VWC2L: variants seen among roughly 807,000 people sequenced by gnomAD.
The protein encoded by VWC2L is von Willebrand factor C domain-containing protein 2-like.
VWC2L carries 10 observed loss-of-function variants against 21.6 expected under a neutral mutation model. The observed-to-expected ratio is 0.46, with a 90% CI of 0.29 to 0.78. The LOEUF is 0.78. Ranked by LOEUF, VWC2L falls within the 30% of genes least tolerant of loss-of-function variation. The pLI is 0.10. For synonymous variants in VWC2L, 96 were observed against 94.3 expected, an observed-to-expected ratio of 1.02 and a Z score of -0.10; for missense variants, 209 against 277.1, an observed-to-expected ratio of 0.75 and a Z score of 1.74.
At chr2:214,473,473 G>C (rs942280044) in intron 3 of VWC2L, among the ~76,000 whole-genome samples, 1 of 152,248 alleles carries the variant, frequency 6.6e-6, no homozygotes, top group South Asian at 2.1e-4. Flanking sequence ...CATTGAAGTT[G>C]AGATATCCAA....
At chr2:214,530,396 A>G (rs1308568734) in intron 3 of VWC2L, among the ~76,000 whole-genome samples, 1 of 152,208 alleles carries the variant, frequency 6.6e-6, no homozygotes, top group East Asian at 1.9e-4. Flanking sequence ...ACACTTTCTA[A>G]TAATATGAAC....
At chr2:214,566,881 G>A (rs774703507) in intron 3 of VWC2L, among the ~76,000 whole-genome samples, 3 of 152,068 alleles carry the variant, frequency 2.0e-5, no homozygotes, top group Non-Finnish European at 4.4e-5. Flanking sequence ...ATTTTTCATA[G>A]CACAATAGCA....
At position 214,575,289 on chromosome 2, in the gene VWC2L, G is replaced by A. The variant is rs1418950075; in HGVS notation, c.521-383G>A. 2.6e-5 allele frequency among the ~76,000 whole-genome samples: 4 copies of A among 152,100 alleles called. No homozygotes were observed. In the East Asian group the frequency reaches 7.7e-4, roughly 29 times the overall value. On this transcript the variant is annotated intron_variant, in intron 3 of 3. Transcript: ENST00000312504. ...ACAGGCCAAGGGTGCCACCATCTGA[G>A]GCCGACCATGTCAGCCCTCCCTCGT... is the stretch of plus-strand genomic sequence containing the variant.
intron 3 of VWC2L, among the ~76,000 whole-genome samples, chr2:214,547,799 C>T (rs1189193832): frequency 6.6e-6 from 1 of 152,150 alleles, no homozygotes; most frequent in Non-Finnish European, 1.5e-5. Context: ...AACAAACAGC[C>T]TTGCGATGAC....
intron 3 of VWC2L, among the ~76,000 whole-genome samples, chr2:214,565,788 C>CA (rs1225368522): frequency 6.6e-6 from 1 of 152,128 alleles, no homozygotes; most frequent in Non-Finnish European, 1.5e-5. Flanking sequence ...AAGTGCTTTG[C>CA]ATATGTGAAT....
intron 3 of VWC2L, among the ~76,000 whole-genome samples, chr2:214,464,942 T>G (rs564629174): frequency 6.6e-6 from 1 of 152,280 alleles, no homozygotes; most frequent in South Asian, 2.1e-4. Context: ...ACAATTACTG[T>G]CTGGCTACTG....
At chr2:214,574,948 G>GACATTTTCA (rs2105936139) in intron 3 of VWC2L, among the ~76,000 whole-genome samples, 1 of 150,208 alleles carries the variant, frequency 6.7e-6, no homozygotes, top group East Asian at 2.0e-4. Context: ...ATGAGCAGGG[G>GACATTTTCA]ACATTTTCAA....
In VWC2L at chr2:214,522,189, C is replaced by T. The variant is rs376305842; in HGVS notation, c.521-53483C>T. 1.6e-3 allele frequency among the ~76,000 whole-genome samples: 245 copies of T among 152,104 alleles called. 1 individual carries two copies. Among genetic ancestry groups the T allele is most frequent in the African/African-American group, 5.7e-3 (237 of 41,502 alleles). ...AGGAGATCAAGACCACCCTGGCTAA[C>T]ACGGTGAAACCCCGTCTCTACTAAA... On this transcript the variant is annotated intron_variant, in intron 3 of 3. Coordinates refer to ENST00000312504, the MANE Select transcript of VWC2L (RefSeq NM_001080500.4).
In VWC2L at chr2:214,578,642, C is replaced by T. The variant is rs1003075021; in HGVS notation, c.*2822C>T. 1 of 152,108 alleles carries T rather than the reference C, an allele frequency of 6.6e-6. No homozygotes were observed. The highest frequency in any genetic ancestry group is 1.5e-5 in the Non-Finnish European group (1 of 68,020). 9.4% of individuals were successfully genotyped at this position (152,108 alleles called of 1,614,324 possible). A position where few individuals can be genotyped will look rare whatever the true frequency, so the allele number is the denominator to read the frequency against. On this transcript the variant is annotated 3_prime_UTR_variant, in exon 4 of 4. Transcript: ENST00000312504. ...TCTTTCCAGACTCTGAACAACAGAG[C>T]TCTGGTCTCATCTGTTGTTTGTTTC...
chr2:214,488,653 T>C (rs532551294), intron 3 of VWC2L, among the ~76,000 whole-genome samples: 1 of 152,088 alleles, frequency 6.6e-6, no homozygotes. Context: ...CTGTTCTGGG[T>C]TGTTATAAAG....
intron 3 of VWC2L, among the ~76,000 whole-genome samples, chr2:214,530,825 T>G (rs994467576): frequency 1.3e-5 from 2 of 152,154 alleles, no homozygotes; most frequent in African/African-American, 4.8e-5. Flanking sequence ...AAAACAACAT[T>G]AAGCTGGTAG....
chr2:214,508,367 T>C (rs1190166802), intron 3 of VWC2L, among the ~76,000 whole-genome samples: 1 of 152,236 alleles, frequency 6.6e-6, no homozygotes, highest in East Asian at 1.9e-4. Flanking sequence ...AAGATGAAGA[T>C]GCTACTGTCT....
intron 3 of VWC2L, among the ~76,000 whole-genome samples, chr2:214,491,015 C>T (rs1218689101): frequency 6.6e-6 from 1 of 152,084 alleles, no homozygotes; most frequent in East Asian, 1.9e-4. Context: ...AACAGGATTC[C>T]AGTTGCCAGG....
intron 3 of VWC2L, among the ~76,000 whole-genome samples, chr2:214,540,735 C>T (rs186994471): frequency 1.1e-4 from 17 of 152,232 alleles, no homozygotes; most frequent in African/African-American, 1.9e-4. Context: ...AAATAGCAGA[C>T]GGCTTTTCTA....
rs552614052 is a variant in VWC2L, at chr2:214,549,088, C to T, written c.521-26584C>T. 1.5e-3 allele frequency among the ~76,000 whole-genome samples: 229 copies of T among 152,306 alleles called. 1 individual carries two copies. The highest frequency in any genetic ancestry group is 3.6e-3 in the Admixed American group (55 of 15,296). On this transcript the variant is annotated intron_variant, in intron 3 of 3. Transcript: ENST00000312504. ...ACCACCTGCATTACTCGGCTCAAGA[C>T]TGTTTTGTCTCATCCCTCCAGCTCC...
chr2:214,500,081 G>A (rs1688870682), intron 3 of VWC2L, among the ~76,000 whole-genome samples: 2 of 152,188 alleles, frequency 1.3e-5, no homozygotes, highest in African/African-American at 4.8e-5. Context: ...GTAAGAGCAA[G>A]TGTTAATGCT....
chr2:214,421,792 A>G (rs948258973), intron 2 of VWC2L, among the ~76,000 whole-genome samples: 17 of 151,274 alleles, frequency 1.1e-4, no homozygotes, highest in Non-Finnish European at 2.5e-4. Context: ...TGTTAAAAAA[A>G]ATTGCCTATT....
intron 3 of VWC2L, among the ~76,000 whole-genome samples, chr2:214,481,913 G>A (rs1688608114): frequency 6.6e-6 from 1 of 152,130 alleles, no homozygotes; most frequent in Non-Finnish European, 1.5e-5. Flanking sequence ...GTATAATTTT[G>A]TAAATGTTCT....
chr2:214,481,540 C>T (rs981962000), intron 3 of VWC2L, among the ~76,000 whole-genome samples: 2 of 152,110 alleles, frequency 1.3e-5, no homozygotes, highest in African/African-American at 4.8e-5. Flanking sequence ...CAGTCAACCC[C>T]CAGAACTATG....
Sources: gnomAD v4.1 joint callset for allele counts (sites outside exome capture counted in the v4.1 genomes callset) on GRCh38, gnomAD v4.1.1 for gene constraint, MANE v1.5 for transcripts, NCBI Gene and HGNC (gene_info 2026-07-23, HGNC 2026-07-21) for gene names.